The following IPO8 variants were observed in gnomAD, a reference collection of about 807,000 sequenced individuals.
IPO8 encodes importin-8.
IPO8 carries 65 observed loss-of-function variants against 141.2 expected under a neutral mutation model. The observed-to-expected ratio is 0.46, with a 90% CI of 0.38 to 0.57. The LOEUF is 0.57. Ranked by LOEUF, IPO8 falls within the 20% of genes least tolerant of loss-of-function variation. IPO8 has a pLI of 0.00. For missense variants in IPO8, 980 were observed against 1,246.8 expected, an observed-to-expected ratio of 0.79 and a Z score of 3.22; for synonymous variants, 411 against 420.3, an observed-to-expected ratio of 0.98 and a Z score of 0.27.
chr12:30,652,166 G>GA, intron 19 of IPO8, 26 bp downstream of exon 19: 1 of 1,344,570 alleles, frequency 7.4e-7, no homozygotes, highest in Non-Finnish European at 1.1e-6. Context: ...AAGAACCACT[G>GA]AAACAATAGA....
chr12:30,665,147 A>G (rs10843807), intron 13 of IPO8, 73 bp downstream of exon 13: 464,075 of 891,708 alleles, frequency 0.52, 123,275 homozygotes, highest in African/African-American at 0.67. Context: ...AGGTCAATTT[A>G]TCCAAAAAAC....
chr12:30,633,946 G>A (rs1430130421), intron 23 of IPO8, 137 bp downstream of exon 23: 13 of 645,132 alleles, frequency 2.0e-5, no homozygotes, highest in Non-Finnish European at 2.7e-5. Flanking sequence ...TATGTTTGGG[G>A]ATTTCTATCA....
chr12:30,645,233 T>C (rs1408918786), intron 20 of IPO8, among the ~76,000 whole-genome samples: 2 of 151,306 alleles, frequency 1.3e-5, no homozygotes, highest in Non-Finnish European at 2.9e-5. Context: ...ATTAGCTGGG[T>C]GTGATGGCGC....
chr12:30,685,545 G>A (rs1229849038), intron 2 of IPO8, among the ~76,000 whole-genome samples: 4 of 151,532 alleles, frequency 2.6e-5, no homozygotes, highest in Non-Finnish European at 5.9e-5. Flanking sequence ...ATACAGATAC[G>A]TGATTTGCAA....
rs1358457763 is a variant in IPO8 at position 30,684,337 on chromosome 12, A to G, written c.287T>C (p.Ile96Thr). The G allele has an allele frequency of 6.2e-7, 1 of 1,614,132 alleles. No homozygotes were observed. The highest frequency in any genetic ancestry group is 8.5e-7 in the Non-Finnish European group (1 of 1,180,004). The part of the protein sequence containing the change: ...ENDRQQIRDN[I>T]VEGIIRSPDL... Reference sequence around the variant, plus strand: ...TGGAGACCGAATTATTCCTTCCACAATGTTATCACGTATTTGCTGGCGATC... The same window carrying G: ...TGGAGACCGAATTATTCCTTCCACAGTGTTATCACGTATTTGCTGGCGATC... The change falls in exon 3 of 25, where the codon ATT (isoleucine) becomes ACT (threonine). Residue 96 changes from isoleucine (I) to threonine (T), a missense_variant. Ile to Thr is a moderately conservative substitution (Grantham distance 89). Coordinates refer to ENST00000256079, the MANE Select transcript of IPO8 (RefSeq NM_006390.4).
At chr12:30,682,871 G>C (rs2053202799) in intron 3 of IPO8, among the ~76,000 whole-genome samples, 1 of 151,926 alleles carries the variant, frequency 6.6e-6, no homozygotes, top group Non-Finnish European at 1.5e-5. Context: ...TTTGAGAATA[G>C]GTGGAAGAAA....
intron 17 of IPO8, among the ~76,000 whole-genome samples, chr12:30,656,369 T>A (rs1257108486): frequency 2.0e-5 from 3 of 152,158 alleles, no homozygotes; most frequent in Non-Finnish European, 2.9e-5. Flanking sequence ...AAAATGCCTA[T>A]TAAACATTTT....
In IPO8 at chr12:30,666,174, C is replaced by T; in HGVS notation, c.1221+1G>A. On this transcript the variant is annotated splice_donor_variant, in intron 11 of 24. Coordinates refer to ENST00000256079, the MANE Select transcript of IPO8 (RefSeq NM_006390.4). LOFTEE classifies it high-confidence loss of function. Reference sequence around the variant, plus strand: ...TGGATTTAAAAAGAAAAATGAAATACCTCTTTTCTTTTCTTTGCAGCAGTA... The same window carrying T: ...TGGATTTAAAAAGAAAAATGAAATATCTCTTTTCTTTTCTTTGCAGCAGTA... 1 of 1,558,670 alleles carries T rather than the reference C, an allele frequency of 6.4e-7. No homozygotes were observed. The highest frequency in any genetic ancestry group is 8.7e-7 in the Non-Finnish European group (1 of 1,150,200).
At chr12:30,649,023 C>A (rs567381755) in intron 20 of IPO8, 114 bp downstream of exon 20, 202 of 626,074 alleles carry the variant, frequency 3.2e-4, no homozygotes, top group Non-Finnish European at 4.8e-4. Context: ...CACCAGAAAG[C>A]ACAATCTATA....
rs549743161 is a variant in IPO8 at position 30,685,920 on chromosome 12, A to T, written c.167-1463T>A. Among the ~76,000 whole-genome samples, 278 of 146,802 alleles carry T rather than the reference A, an allele frequency of 1.9e-3. 5 individuals carry two copies. The highest frequency in any genetic ancestry group is 0.015 in the Admixed American group (231 of 14,956). ...TCTGTCAAAAAAAAAAAAAAAAAAA[A>T]CTAAATTGGGTAGTCAAAGCACTAT... On this transcript the variant is annotated intron_variant, in intron 2 of 24. Transcript: ENST00000256079.
intron 20 of IPO8, among the ~76,000 whole-genome samples, chr12:30,643,277 C>G (rs1229180131): frequency 6.6e-6 from 1 of 152,192 alleles, no homozygotes; most frequent in Non-Finnish European, 1.5e-5. Context: ...CATTTGCACT[C>G]TAGCCTGGTG....
At chr12:30,647,396 T>C (rs1361572250) in intron 20 of IPO8, among the ~76,000 whole-genome samples, 1 of 151,960 alleles carries the variant, frequency 6.6e-6, no homozygotes, top group Non-Finnish European at 1.5e-5. Context: ...GAGCTAGCAA[T>C]GTTTCTTAAA....
At position 30,631,881 on chromosome 12, in the gene IPO8, T is replaced by C. The variant is rs763931675; in HGVS notation, c.3016+14A>G. 96 of 1,576,052 alleles carry C rather than the reference T, an allele frequency of 6.1e-5. No individual in the cohort carries two copies. Among genetic ancestry groups the C allele is most frequent in the Non-Finnish European group, 8.2e-5 (94 of 1,148,692 alleles). On this transcript the variant is annotated intron_variant, in intron 24 of 24. Transcript: ENST00000256079. ...TGACACATGCACTCCACTCTGGAGG[T>C]TACTCTGGCTGACCTGCCACCGTCC...
intron 17 of IPO8, among the ~76,000 whole-genome samples, chr12:30,655,624 A>G (rs2052788771): frequency 1.3e-5 from 2 of 152,102 alleles, no homozygotes; most frequent in African/African-American, 4.8e-5. Flanking sequence ...TGCCTGGCTT[A>G]TTTCACTTAG....
chr12:30,664,156 G>C (rs1332494400), intron 13 of IPO8, among the ~76,000 whole-genome samples: 1 of 151,970 alleles, frequency 6.6e-6, no homozygotes, highest in Non-Finnish European at 1.5e-5. Flanking sequence ...TTTACTCTCT[G>C]TGTGCATCAA....
chr12:30,652,158 G>A (rs2052736094), intron 19 of IPO8, 34 bp downstream of exon 19: 2 of 1,242,648 alleles, frequency 1.6e-6, no homozygotes, highest in Non-Finnish European at 2.3e-6. Context: ...CATTAGTTAA[G>A]AACCACTGAA....
chr12:30,642,333 C>T (rs1455001878), intron 20 of IPO8, among the ~76,000 whole-genome samples: 1 of 152,040 alleles, frequency 6.6e-6, no homozygotes, highest in Non-Finnish European at 1.5e-5. Flanking sequence ...CTGTTGGGTA[C>T]CGTGTTCACT....
At position 30,695,154 on chromosome 12, in the gene IPO8, G is replaced by C. The variant is rs1006581634; in HGVS notation, c.84+410C>G. 2.6e-6 allele frequency: 1 copy of C among 381,972 alleles called. No individual in the cohort carries two copies. The highest frequency in any genetic ancestry group is 2.1e-5 in the African/African-American group (1 of 47,128). 23.7% of individuals were successfully genotyped at this position (381,972 alleles called of 1,614,324 possible). ...CGTGCTCCACAGCAACACCTAAAAA[G>C]GGCTGGGTTTGGAAAAAAGCTGAAC... On this transcript the variant is annotated intron_variant, in intron 1 of 24. Transcript: ENST00000256079. The surrounding 1 kb of genome is among the most constrained non-coding windows in gnomAD (Gnocchi z 4.2).
rs536768134 is a variant in IPO8 at position 30,656,756 on chromosome 12, G to T, written c.1882-6C>A. 59 of 1,407,916 alleles carry T rather than the reference G, an allele frequency of 4.2e-5. No individual in the cohort carries two copies. Among genetic ancestry groups the T allele is most frequent in the Non-Finnish European group, 5.7e-5 (58 of 1,025,666 alleles). The allele number at this position is 1,407,916 out of a possible 1,614,324, so 87.2% of individuals were successfully genotyped here. A position where few individuals can be genotyped will look rare whatever the true frequency, so the allele number is the denominator to read the frequency against. Reference sequence around the variant, plus strand: ...TTCTCTAACTGCTGGGTAATCTAAAGATAAATGTTAAATATTAAGCTTAAA... The same window carrying T: ...TTCTCTAACTGCTGGGTAATCTAAATATAAATGTTAAATATTAAGCTTAAA... On this transcript the variant is annotated splice_polypyrimidine_tract_variant and splice_region_variant and intron_variant, in intron 16 of 24. Coordinates refer to ENST00000256079, the MANE Select transcript of IPO8 (RefSeq NM_006390.4).
Sources: allele counts gnomAD v4.1 joint callset (sites outside exome capture counted in the v4.1 genomes callset), GRCh38; gene constraint gnomAD v4.1.1; non-coding constraint Gnocchi (gnomAD v3.1); transcripts MANE v1.5; gene names NCBI Gene and HGNC (gene_info 2026-07-23, HGNC 2026-07-21).